Variants in BLTP3B observed in about 807,000 individuals in gnomAD.
BLTP3B encodes the protein bridge-like lipid transfer protein family member 3B.
At chr12:100,045,043 G>T in the BLTP3B span, among the ~76,000 whole-genome samples, 1 of 152,102 alleles carries the variant, frequency 6.6e-6, no homozygotes, top group Non-Finnish European at 1.5e-5. Flanking sequence ...AACTTACAAG[G>T]GAAGTGAGGG....
the BLTP3B span, chr12:100,051,211 CTTT>C: frequency 1.2e-6 from 2 of 1,609,748 alleles, no homozygotes; most frequent in Non-Finnish European, 1.7e-6. Context: ...TAGTTGAGTT[CTTT>C]TTATTTCCTG....
At chr12:100,091,141 CA>C in the BLTP3B span, among the ~76,000 whole-genome samples, 4 of 148,958 alleles carry the variant, frequency 2.7e-5, no homozygotes, top group African/African-American at 9.9e-5. Context: ...ATTTTCCTCC[CA>C]AGTAGCTGGG....
chr12:100,105,354 T>C, the BLTP3B span, among the ~76,000 whole-genome samples: 1 of 151,986 alleles, frequency 6.6e-6, no homozygotes, highest in Non-Finnish European at 1.5e-5. Context: ...CACAGGCCAA[T>C]GGAACAGAAT....
the BLTP3B span, chr12:100,086,371 A>C: frequency 6.4e-6 from 3 of 471,224 alleles, no homozygotes; most frequent in Non-Finnish European, 7.9e-6. Flanking sequence ...GGGAAAAAAA[A>C]AGGGGGGGGG....
chr12:100,135,430 G>A, the BLTP3B span, among the ~76,000 whole-genome samples: 133 of 151,586 alleles, frequency 8.8e-4, no homozygotes, highest in East Asian at 1.9e-4. Context: ...CACCACGCTC[G>A]GCCAATTTTG....
At chr12:100,047,496 T>A in the BLTP3B span, 2 of 1,511,264 alleles carry the variant, frequency 1.3e-6, no homozygotes, top group Non-Finnish European at 1.8e-6. Flanking sequence ...CAAAATTCCA[T>A]CTCATAAATA....
chr12:100,118,026 G>A, the BLTP3B span, among the ~76,000 whole-genome samples: 1,175 of 151,946 alleles, frequency 7.7e-3, 13 homozygotes, highest in African/African-American at 0.027. Context: ...ATTTTATAGA[G>A]CAACCAAAGA....
At chr12:100,057,692 A>G in the BLTP3B span, 2 of 1,612,396 alleles carry the variant, frequency 1.2e-6, no homozygotes, top group South Asian at 1.1e-5. Flanking sequence ...TCATATTCTT[A>G]TAAGAAACAC....
chr12:100,083,027 T>G, the BLTP3B span: 21 of 1,612,704 alleles, frequency 1.3e-5, no homozygotes, highest in Non-Finnish European at 1.8e-5. Flanking sequence ...TGGTATATAT[T>G]GAAATCTGCA....
the BLTP3B span, among the ~76,000 whole-genome samples, chr12:100,081,880 G>A: frequency 6.6e-6 from 1 of 152,168 alleles, no homozygotes; most frequent in African/African-American, 2.4e-5. Flanking sequence ...ACATACAAGT[G>A]CACGTTATCT....
At chr12:100,049,975 T>C in the BLTP3B span, among the ~76,000 whole-genome samples, 2 of 152,142 alleles carry the variant, frequency 1.3e-5, no homozygotes, top group Non-Finnish European at 2.9e-5. Context: ...CCTTATACCA[T>C]GGAACCATTA....
the BLTP3B span, chr12:100,051,213 T>G: frequency 6.2e-7 from 1 of 1,610,704 alleles, no homozygotes; most frequent in African/African-American, 1.3e-5. Context: ...GTTGAGTTCT[T>G]TTTATTTCCT....
At chr12:100,137,180 A>T in the BLTP3B span, among the ~76,000 whole-genome samples, 6 of 152,226 alleles carry the variant, frequency 3.9e-5, no homozygotes, top group African/African-American at 1.4e-4. Flanking sequence ...ACAGTTTCAG[A>T]CAAAATCTCC....
the BLTP3B span, among the ~76,000 whole-genome samples, chr12:100,135,753 A>C: frequency 2.0e-5 from 3 of 152,218 alleles, no homozygotes; most frequent in African/African-American, 7.2e-5. Flanking sequence ...TTTCTGATTA[A>C]AACGTAAACT....
chr12:100,091,564 AT>A, the BLTP3B span, among the ~76,000 whole-genome samples: 1 of 150,900 alleles, frequency 6.6e-6, no homozygotes, highest in Admixed American at 6.6e-5. Context: ...GTGCAGTGGC[AT>A]GATCTCGGCT....
At chr12:100,097,412 G>A in the BLTP3B span, 6 of 1,613,034 alleles carry the variant, frequency 3.7e-6, no homozygotes, top group East Asian at 2.2e-5. Context: ...GTTATTAATC[G>A]AACAGGAGCA....
chr12:100,073,050 A>G, the BLTP3B span, among the ~76,000 whole-genome samples: 1 of 152,196 alleles, frequency 6.6e-6, no homozygotes, highest in Admixed American at 6.5e-5. Context: ...AACACTGTAC[A>G]ATATTCCTTA....
chr12:100,113,789 C>A, the BLTP3B span, among the ~76,000 whole-genome samples: 2 of 149,856 alleles, frequency 1.3e-5, no homozygotes, highest in African/African-American at 2.5e-5. Context: ...GACACCCTGT[C>A]TCAGAAAAAA....
chr12:100,120,151 C>T, the BLTP3B span, among the ~76,000 whole-genome samples: 6 of 152,136 alleles, frequency 3.9e-5, no homozygotes, highest in East Asian at 3.9e-4. Context: ...CCTAGGCGGG[C>T]GGATCACCTG....
Sources: allele counts gnomAD v4.1 joint callset (sites outside exome capture counted in the v4.1 genomes callset), GRCh38; gene constraint gnomAD v4.1.1; transcripts MANE v1.5; gene names NCBI Gene and HGNC (gene_info 2026-07-23, HGNC 2026-07-21).